Variants in NREP observed in about 807,000 individuals in gnomAD.
NREP encodes the protein neuronal regeneration related protein.
NREP carries 5 observed loss-of-function variants against 8.6 expected under a neutral mutation model. The ratio of observed to expected loss-of-function variants is 0.58; its 90% CI spans 0.30 to 1.22. The LOEUF is 1.22. Ranked by LOEUF, NREP falls within the 50% of genes most tolerant of loss-of-function variation. The pLI, the probability that NREP is intolerant of heterozygous loss-of-function variation, is 0.07. For synonymous variants in NREP, 27 were observed against 28.0 expected (o/e 0.96, Z 0.11); for missense variants, 86 against 82.5 (o/e 1.04, Z -0.17).
At chr5:111,901,476 A>G (rs1754645784) in intron 2 of NREP, among the ~76,000 whole-genome samples, 1 of 152,114 alleles carries the variant, frequency 6.6e-6, no homozygotes, top group Non-Finnish European at 1.5e-5. Flanking sequence ...AGTCCTAGAC[A>G]CAGCCAGGCA....
At chr5:111,924,748 T>C (rs964962128) in intron 2 of NREP, among the ~76,000 whole-genome samples, 1 of 152,094 alleles carries the variant, frequency 6.6e-6, no homozygotes, top group Admixed American at 6.5e-5. Context: ...TTTTCTTTGG[T>C]TAGGAAAAGA....
intron 2 of NREP, among the ~76,000 whole-genome samples, chr5:111,911,238 C>A (rs886858696): frequency 4.6e-5 from 7 of 152,086 alleles, no homozygotes; most frequent in Admixed American, 4.6e-4. Context: ...ATATCTGCAT[C>A]CAGAGTTCTG....
chr5:111,891,029 G>A (rs1311626387), intron 2 of NREP, among the ~76,000 whole-genome samples: 2 of 152,230 alleles, frequency 1.3e-5, no homozygotes, highest in Non-Finnish European at 1.5e-5. Flanking sequence ...TGGCCAGTCT[G>A]CAAGTTTTCC....
At chr5:111,791,147 T>C (rs1050931180) in intron 2 of NREP, among the ~76,000 whole-genome samples, 2 of 152,214 alleles carry the variant, frequency 1.3e-5, no homozygotes, top group Admixed American at 6.5e-5. Context: ...TTTTGATATA[T>C]GTATGCACTG....
intron 2 of NREP, among the ~76,000 whole-genome samples, chr5:111,812,444 C>A (rs1409860056): frequency 6.6e-6 from 1 of 151,994 alleles, no homozygotes; most frequent in Non-Finnish European, 1.5e-5. Context: ...TCCAGTAATT[C>A]CTTCATGTAA....
intron 2 of NREP, among the ~76,000 whole-genome samples, chr5:111,880,730 CTTTTTTTT>C (rs140190021): frequency 1.1e-5 from 1 of 92,174 alleles, no homozygotes; most frequent in Non-Finnish European, 2.1e-5. Flanking sequence ...GAACATAAGC[CTTTTTTTT>C]TTTTTTTTTT....
intron 2 of NREP, among the ~76,000 whole-genome samples, chr5:111,944,481 T>A (rs1472842225): frequency 6.6e-6 from 1 of 152,120 alleles, no homozygotes; most frequent in South Asian, 2.1e-4. Flanking sequence ...ATAATTTTTG[T>A]ATTTTTTGTA....
intron 2 of NREP, among the ~76,000 whole-genome samples, chr5:111,782,057 T>C (rs757574278): frequency 6.6e-6 from 1 of 152,228 alleles, no homozygotes; most frequent in Non-Finnish European, 1.5e-5. Flanking sequence ...GCTTTGTGTC[T>C]GGTACAAAAT....
chr5:111,839,223 C>T (rs1486243816), intron 2 of NREP, among the ~76,000 whole-genome samples: 1 of 151,970 alleles, frequency 6.6e-6, no homozygotes, highest in South Asian at 2.1e-4. Context: ...CAGGATAAAT[C>T]GGCTTAAAAA....
At chr5:111,972,679 T>A (rs1184192069) in intron 2 of NREP, among the ~76,000 whole-genome samples, 1 of 152,090 alleles carries the variant, frequency 6.6e-6, no homozygotes, top group Non-Finnish European at 1.5e-5. Context: ...TACCCACCTC[T>A]TTTTCAGGGC....
At chr5:111,961,001 G>A (rs2112652797) in intron 2 of NREP, among the ~76,000 whole-genome samples, 1 of 152,220 alleles carries the variant, frequency 6.6e-6, no homozygotes, top group Admixed American at 6.5e-5. Flanking sequence ...ACATGGTATG[G>A]CAAAAGTCCT....
chr5:111,920,404 T>C (rs1755204588), intron 2 of NREP, among the ~76,000 whole-genome samples: 1 of 152,158 alleles, frequency 6.6e-6, no homozygotes, highest in African/African-American at 2.4e-5. Flanking sequence ...CAGTCCATCA[T>C]CTAGGTTTTA....
intron 2 of NREP, among the ~76,000 whole-genome samples, chr5:111,826,316 A>G (rs1052911394): frequency 6.6e-6 from 1 of 152,174 alleles, no homozygotes; most frequent in African/African-American, 2.4e-5. Flanking sequence ...AAGGGAGTAA[A>G]AGCAGGCCAC....
chr5:111,930,543 A>G (rs1375448312), intron 2 of NREP, among the ~76,000 whole-genome samples: 2 of 152,172 alleles, frequency 1.3e-5, no homozygotes, highest in Non-Finnish European at 2.9e-5. Context: ...TCTTCTGTCT[A>G]AAGTGTAAGC....
At chr5:111,964,849 C>A in intron 2 of NREP, among the ~76,000 whole-genome samples, 1 of 68,178 alleles carries the variant, frequency 1.5e-5, no homozygotes, top group Admixed American at 2.3e-4. Flanking sequence ...AGAATGCTTT[C>A]AGCAGCAAAA....
intron 2 of NREP, among the ~76,000 whole-genome samples, chr5:111,809,758 C>T (rs897807630): frequency 6.6e-6 from 1 of 152,080 alleles, no homozygotes; most frequent in African/African-American, 2.4e-5. Context: ...AAATAAATTA[C>T]CCCATTTCTG....
At chr5:111,780,051 G>C (rs1044841688) in intron 2 of NREP, among the ~76,000 whole-genome samples, 1 of 152,214 alleles carries the variant, frequency 6.6e-6, no homozygotes, top group African/African-American at 2.4e-5. Context: ...AATGCAGAGG[G>C]GGAAATTGTC....
chr5:111,814,687 C>T (rs1412366061), intron 2 of NREP, among the ~76,000 whole-genome samples: 1 of 152,052 alleles, frequency 6.6e-6, no homozygotes, highest in Non-Finnish European at 1.5e-5. Flanking sequence ...AATTCCCTCA[C>T]TATTTACTGG....
intron 2 of NREP, among the ~76,000 whole-genome samples, chr5:111,818,718 T>C (rs1752448339): frequency 6.6e-6 from 1 of 152,222 alleles, no homozygotes; most frequent in African/African-American, 2.4e-5. Flanking sequence ...TGCATATGCA[T>C]GTGTAAAGTA....
Sources: allele counts gnomAD v4.1 joint callset (sites outside exome capture counted in the v4.1 genomes callset), GRCh38; gene constraint gnomAD v4.1.1; transcripts MANE v1.5; gene names NCBI Gene and HGNC (gene_info 2026-07-23, HGNC 2026-07-21).